Variants in CDH13 observed in about 807,000 individuals in gnomAD.
CDH13 encodes cadherin-13.
Under a neutral mutation model 63.8 loss-of-function variants are expected in CDH13, and 24 were observed. The ratio of observed to expected loss-of-function variants is 0.38; its 90% CI spans 0.27 to 0.53. The LOEUF (loss-of-function observed/expected upper bound fraction) is 0.53. Among genes scored for constraint, CDH13 ranks in the 20% least tolerant of loss-of-function variants. The pLI, the probability that CDH13 is intolerant of heterozygous loss-of-function variation, is 0.85. For missense variants in CDH13, 1,049 were observed against 903.1 expected (o/e 1.16, Z -2.07); for synonymous variants, 503 against 355.3 (o/e 1.42, Z -4.67).
At chr16:82,874,363 G>A (rs537141495) in intron 2 of CDH13, among the ~76,000 whole-genome samples, 1 of 152,078 alleles carries the variant, frequency 6.6e-6, no homozygotes, top group East Asian at 1.9e-4. Flanking sequence ...GCCACTTCTG[G>A]GAGCAGCAGA....
intron 2 of CDH13, among the ~76,000 whole-genome samples, chr16:82,969,871 G>T (rs555315500): frequency 6.6e-6 from 1 of 151,996 alleles, no homozygotes; most frequent in Non-Finnish European, 1.5e-5. Context: ...TTCCTAATAA[G>T]GCATATTTTA....
At chr16:83,441,674 G>A (rs1307265491) in intron 6 of CDH13, among the ~76,000 whole-genome samples, 1 of 152,124 alleles carries the variant, frequency 6.6e-6, no homozygotes, top group South Asian at 2.1e-4. Context: ...CTGCCACCAA[G>A]ATGTCAGTTA....
At position 83,224,379 on chromosome 16, in the gene CDH13, C is replaced by G. The variant is rs141665851; in HGVS notation, c.636+6882C>G. 2.0e-5 allele frequency among the ~76,000 whole-genome samples: 3 copies of G among 151,468 alleles called. No homozygotes were observed. In the East Asian group the frequency reaches 5.9e-4, roughly 30 times the overall value. On this transcript the variant is annotated intron_variant, in intron 5 of 13. Coordinates refer to ENST00000567109, the MANE Select transcript of CDH13 (RefSeq NM_001257.5). ...TCTGTGTAGATACTCAGTAGTGGGACTGCTGGAGTGCAGTTTTGTTCCAAG... is the reference window on the plus strand; with the variant it reads ...TCTGTGTAGATACTCAGTAGTGGGAGTGCTGGAGTGCAGTTTTGTTCCAAG...
chr16:82,689,554 C>T (rs370939752), intron 1 of CDH13, among the ~76,000 whole-genome samples: 15 of 152,230 alleles, frequency 9.9e-5, no homozygotes, highest in East Asian at 9.7e-4. Flanking sequence ...GAGTGACTTC[C>T]GTCACTGCCA....
chr16:82,727,237 G>T (rs2151030115), intron 1 of CDH13, among the ~76,000 whole-genome samples: 1 of 152,244 alleles, frequency 6.6e-6, no homozygotes, highest in East Asian at 1.9e-4. Flanking sequence ...TCTGGTGTTT[G>T]CACTGGGGGC....
chr16:83,077,074 G>T (rs1419576931), intron 3 of CDH13, among the ~76,000 whole-genome samples: 3 of 149,654 alleles, frequency 2.0e-5, no homozygotes, highest in Non-Finnish European at 3.0e-5. Flanking sequence ...AAGTTTCATT[G>T]GTTCTAGAAT....
intron 7 of CDH13, among the ~76,000 whole-genome samples, chr16:83,528,687 G>A (rs2075016109): frequency 6.6e-6 from 1 of 152,090 alleles, no homozygotes; most frequent in African/African-American, 2.4e-5. Flanking sequence ...TAAATTCTCT[G>A]ACAGTGCTGA....
At chr16:83,549,168 T>C (rs987419706) in intron 7 of CDH13, among the ~76,000 whole-genome samples, 1 of 152,108 alleles carries the variant, frequency 6.6e-6, no homozygotes, top group African/African-American at 2.4e-5. Flanking sequence ...TGGAGGGCCT[T>C]GTGGGGAAGG....
chr16:82,882,610 T>A (rs1404716734), intron 2 of CDH13, among the ~76,000 whole-genome samples: 1 of 152,134 alleles, frequency 6.6e-6, no homozygotes, highest in Non-Finnish European at 1.5e-5. Flanking sequence ...TTTCTTTGGC[T>A]TTTTTCCTTC....
intron 5 of CDH13, among the ~76,000 whole-genome samples, chr16:83,264,727 C>T (rs778736347): frequency 4.0e-5 from 6 of 151,750 alleles, no homozygotes; most frequent in African/African-American, 1.2e-4. Flanking sequence ...AGAGACAACA[C>T]CCCTCTAAAC....
chr16:83,741,893 G>A lies in CDH13; in HGVS notation c.1539-6215G>A, dbSNP rs540229337. 4.6e-5 allele frequency among the ~76,000 whole-genome samples: 7 copies of A among 152,182 alleles called. No homozygotes were observed. In the South Asian group the frequency reaches 6.2e-4, roughly 14 times the overall value. ...TGAACTGCACACACAAGGGATCTAG[G>A]CGGCACACTCCTTATGAGAATCTAA... On this transcript the variant is annotated intron_variant, in intron 10 of 13. Coordinates refer to ENST00000567109, the MANE Select transcript of CDH13 (RefSeq NM_001257.5).
chr16:83,434,712 A>G (rs1045667089), intron 6 of CDH13, among the ~76,000 whole-genome samples: 2 of 151,486 alleles, frequency 1.3e-5, no homozygotes, highest in Non-Finnish European at 2.9e-5. Context: ...TCACCCCTCA[A>G]TATGTCTGCA....
At chr16:83,583,338 G>A (rs535791130) in intron 7 of CDH13, among the ~76,000 whole-genome samples, 1 of 152,106 alleles carries the variant, frequency 6.6e-6, no homozygotes, top group South Asian at 2.1e-4. Context: ...TATATTTTGG[G>A]CGACCACCAT....
At chr16:83,627,039 T>A (rs1910370594) in intron 8 of CDH13, among the ~76,000 whole-genome samples, 1 of 151,986 alleles carries the variant, frequency 6.6e-6, no homozygotes, top group African/African-American at 2.4e-5. Flanking sequence ...TCATAGCATT[T>A]TGGGAGGCCA....
intron 1 of CDH13, among the ~76,000 whole-genome samples, chr16:82,753,607 G>A (rs2034503862): frequency 6.6e-6 from 1 of 152,170 alleles, no homozygotes; most frequent in Admixed American, 6.5e-5. Flanking sequence ...ATAGCCAAAT[G>A]GAAGTGTGCT....
chr16:82,808,950 G>A (rs2037299294), intron 1 of CDH13, among the ~76,000 whole-genome samples: 1 of 152,048 alleles, frequency 6.6e-6, no homozygotes, highest in Non-Finnish European at 1.5e-5. Flanking sequence ...ATATTTTTTA[G>A]GTAGGTGCAA....
chr16:83,578,629 C>T (rs80091412), intron 7 of CDH13, among the ~76,000 whole-genome samples: 1 of 152,260 alleles, frequency 6.6e-6, no homozygotes, highest in East Asian at 1.9e-4. Flanking sequence ...GTTTAATGAG[C>T]ATCTATTAAT....
intron 4 of CDH13, among the ~76,000 whole-genome samples, chr16:83,186,995 GAGTCTCGCTCTGTCACCC>G (rs2038546215): frequency 6.6e-6 from 1 of 151,764 alleles, no homozygotes; most frequent in South Asian, 2.1e-4. Context: ...TTTTGAGACG[GAGTCTCGCTCTGTCACCC>G]AGGCTGGAGT....
chr16:82,680,060 C>G (rs916116255), intron 1 of CDH13, among the ~76,000 whole-genome samples: 6 of 152,252 alleles, frequency 3.9e-5, no homozygotes, highest in East Asian at 3.9e-4. Flanking sequence ...TTGTCCCTAT[C>G]CACTCTCATC....
Sources: gnomAD v4.1 joint callset for allele counts (sites outside exome capture counted in the v4.1 genomes callset) on GRCh38, gnomAD v4.1.1 for gene constraint, MANE v1.5 for transcripts, NCBI Gene and HGNC (gene_info 2026-07-23, HGNC 2026-07-21) for gene names.